Variants in GRM1 observed in about 807,000 individuals in gnomAD.
The protein encoded by GRM1 is glutamate metabotropic receptor 1.
GRM1 carries 33 observed loss-of-function variants against 90.9 expected under a neutral mutation model. The ratio of observed to expected loss-of-function variants is 0.36; its 90% CI spans 0.28 to 0.49. The LOEUF (loss-of-function observed/expected upper bound fraction) is 0.49, where lower values mean the gene tolerates loss of function less well. Ranked by LOEUF, GRM1 falls within the 20% of genes least tolerant of loss-of-function variation. The pLI, the probability that GRM1 is intolerant of heterozygous loss-of-function variation, is 0.99. For synonymous variants in GRM1, 700 were observed against 613.2 expected, an observed-to-expected ratio of 1.14 and a Z score of -2.09; for missense variants, 1,190 against 1,534.3, an observed-to-expected ratio of 0.78 and a Z score of 3.75.
At chr6:146,209,275 T>C (rs1489090652) in intron 2 of GRM1, among the ~76,000 whole-genome samples, 1 of 152,050 alleles carries the variant, frequency 6.6e-6, no homozygotes, top group Non-Finnish European at 1.5e-5. Flanking sequence ...AGGTTAAGAG[T>C]CAGAGAGGCA....
intron 2 of GRM1, among the ~76,000 whole-genome samples, chr6:146,207,695 A>G (rs144087905): frequency 9.2e-5 from 14 of 152,318 alleles, no homozygotes; most frequent in African/African-American, 3.4e-4. Flanking sequence ...AAAATAGGCA[A>G]CTAAAAGTAT....
intron 1 of GRM1, among the ~76,000 whole-genome samples, chr6:146,038,570 G>T (rs907790682): frequency 6.6e-6 from 1 of 151,966 alleles, no homozygotes; most frequent in African/African-American, 2.4e-5. Flanking sequence ...ATACAGGGAA[G>T]TTCTGTGGTG....
Position 146,434,529 on chromosome 6 carries a change from C to G in GRM1, c.3318C>G (p.Leu1106=). The G allele has an allele frequency of 6.2e-7, 1 of 1,614,096 alleles. No homozygotes were observed. Among genetic ancestry groups the G allele is most frequent in the Non-Finnish European group, 8.5e-7 (1 of 1,179,984 alleles). The change falls in exon 8 of 8, where the codon CTC becomes CTG. Residue 1106 remains leucine (L), a synonymous_variant. Coordinates refer to ENST00000282753, the MANE Select transcript of GRM1 (RefSeq NM_001278064.2). ...ACGACAGCGAGAGGTTTAAGCTCCT[C>G]CAGGAGTACGTGTATGAGCACGAGC... ...DDDDSERFKL[L]QEYVYEHERE... is the part of the protein sequence containing the mutation.
intron 5 of GRM1, among the ~76,000 whole-genome samples, chr6:146,366,761 C>G (rs1445212152): frequency 6.6e-6 from 1 of 151,652 alleles, no homozygotes; most frequent in Non-Finnish European, 1.5e-5. Context: ...GTTTTCTTGC[C>G]CTTGAGTTGT....
chr6:146,353,796 CT>C (rs965567766), intron 4 of GRM1, among the ~76,000 whole-genome samples: 4 of 152,072 alleles, frequency 2.6e-5, no homozygotes, highest in African/African-American at 9.7e-5. Flanking sequence ...CACCTGGTTA[CT>C]TTTTTTGTAT....
Position 146,387,019 on chromosome 6 carries a change from A to G in GRM1, c.1729+3A>G. On this transcript the variant is annotated splice_donor_region_variant and intron_variant, in intron 6 of 7. Coordinates refer to ENST00000282753, the MANE Select transcript of GRM1 (RefSeq NM_001278064.2). ...GTGGCCCAATGCAGATCTAACAGGT[A>G]GGAACTGCCTCACTTGGAAACCTTG... 5.6e-6 allele frequency: 9 copies of G among 1,612,764 alleles called. No individual in the cohort carries two copies. The highest frequency in any genetic ancestry group is 6.8e-6 in the Non-Finnish European group (8 of 1,178,918).
chr6:146,386,627 A>G (rs1449022806), intron 5 of GRM1, among the ~76,000 whole-genome samples: 1 of 152,026 alleles, frequency 6.6e-6, no homozygotes, highest in Non-Finnish European at 1.5e-5. Flanking sequence ...AACTCTGCAA[A>G]AAAATGTAGT....
chr6:146,251,468 T>G (rs6928100), intron 2 of GRM1, among the ~76,000 whole-genome samples: 1 of 152,076 alleles, frequency 6.6e-6, no homozygotes, highest in Non-Finnish European at 1.5e-5. Context: ...GATCATATAT[T>G]ATTCCATTTT....
At chr6:146,411,647 G>T (rs1012148417) in intron 7 of GRM1, among the ~76,000 whole-genome samples, 3 of 152,186 alleles carry the variant, frequency 2.0e-5, no homozygotes, top group African/African-American at 7.2e-5. Flanking sequence ...ACAGGGTCCA[G>T]GGAAGAGATT....
At chr6:146,407,199 A>G (rs1421047594) in intron 7 of GRM1, among the ~76,000 whole-genome samples, 1 of 152,186 alleles carries the variant, frequency 6.6e-6, no homozygotes, top group Non-Finnish European at 1.5e-5. Flanking sequence ...GCAGGAGACC[A>G]CCTGGAAAGC....
At position 146,267,266 on chromosome 6, in the gene GRM1, A is replaced by AT. The variant is rs541629532; in HGVS notation, c.951-37338dup. Among the ~76,000 whole-genome samples, 13 of 152,174 alleles carry AT rather than the reference A, an allele frequency of 8.5e-5. No individual in the cohort carries two copies. In the East Asian group the frequency reaches 2.5e-3, roughly 29 times the overall value. On this transcript the variant is annotated intron_variant, in intron 2 of 7. Transcript: ENST00000282753. ...ATATTCCATGGTGTATATGTACGGC[A>AT]TTTTTTTATCCAGTCTGTCATTGAT...
chr6:146,306,969 G>T (rs1384657340), intron 3 of GRM1, among the ~76,000 whole-genome samples: 1 of 152,158 alleles, frequency 6.6e-6, no homozygotes, highest in East Asian at 1.9e-4. Context: ...AACTACAGAT[G>T]TCATTTTGTC....
At chr6:146,379,864 A>G (rs944365303) in intron 5 of GRM1, among the ~76,000 whole-genome samples, 2 of 152,032 alleles carry the variant, frequency 1.3e-5, no homozygotes, top group Admixed American at 1.3e-4. Flanking sequence ...AAGATCCAGG[A>G]CAAGTCTCTG....
chr6:146,224,412 C>T (rs1380430569), intron 2 of GRM1, among the ~76,000 whole-genome samples: 1 of 152,102 alleles, frequency 6.6e-6, no homozygotes, highest in East Asian at 1.9e-4. Flanking sequence ...CTTATCCTAA[C>T]AACAGAAGGG....
At chr6:146,052,460 C>G (rs1250790261) in intron 1 of GRM1, among the ~76,000 whole-genome samples, 2 of 151,930 alleles carry the variant, frequency 1.3e-5, no homozygotes, top group Non-Finnish European at 2.9e-5. Flanking sequence ...ACAGCCCTTC[C>G]CATGGGGAGA....
intron 2 of GRM1, among the ~76,000 whole-genome samples, chr6:146,269,887 A>T (rs1341734446): frequency 6.6e-6 from 1 of 152,078 alleles, no homozygotes; most frequent in African/African-American, 2.4e-5. Flanking sequence ...ATGGTGAGCA[A>T]ACTCATTAGG....
intron 7 of GRM1, among the ~76,000 whole-genome samples, chr6:146,423,455 G>A (rs1389425956): frequency 1.4e-5 from 2 of 140,878 alleles, no homozygotes; most frequent in Non-Finnish European, 3.1e-5. Context: ...GATCATAAAG[G>A]AGATGCTCTA....
At chr6:146,314,231 T>A (rs908557302) in intron 3 of GRM1, among the ~76,000 whole-genome samples, 1 of 150,876 alleles carries the variant, frequency 6.6e-6, no homozygotes, top group Non-Finnish European at 1.5e-5. Context: ...CATGCCCGAT[T>A]AATTTTTTTT....
At chr6:146,335,525 G>T (rs1220404659) in intron 3 of GRM1, among the ~76,000 whole-genome samples, 1 of 152,124 alleles carries the variant, frequency 6.6e-6, no homozygotes, top group African/African-American at 2.4e-5. Context: ...CTCAACTTCT[G>T]CTTCAGCCAT....
Sources: gnomAD v4.1 joint callset for allele counts (sites outside exome capture counted in the v4.1 genomes callset) on GRCh38, gnomAD v4.1.1 for gene constraint, MANE v1.5 for transcripts, NCBI Gene and HGNC (gene_info 2026-07-23, HGNC 2026-07-21) for gene names.